Variants in CDH4 observed in about 807,000 individuals in gnomAD.
CDH4 encodes the protein cadherin-4.
In CDH4, 33 loss-of-function variants were observed where a neutral mutation model predicts 86.0. The observed-to-expected ratio is 0.38, with a 90% CI of 0.29 to 0.51. CDH4 has a LOEUF of 0.51. Among genes scored for constraint, CDH4 ranks in the 20% least tolerant of loss-of-function variants. The pLI is 0.86. For missense variants in CDH4, 1,114 were observed against 1,307.4 expected (o/e 0.85, Z 2.28); for synonymous variants, 555 against 549.4 (o/e 1.01, Z -0.14).
At chr20:61,348,780 C>T (rs1370188651) in intron 2 of CDH4, among the ~76,000 whole-genome samples, 9 of 152,210 alleles carry the variant, frequency 5.9e-5, no homozygotes, top group Admixed American at 3.3e-4. Flanking sequence ...CCTCTTTCTT[C>T]CTGGCTTTGA....
In CDH4 at chr20:61,338,256, TACTTTA is replaced by T. The variant is rs541427585; in HGVS notation, c.169+83324_169+83329del. On this transcript the variant is annotated intron_variant, in intron 2 of 15. Transcript: ENST00000614565. The stretch of plus-strand genomic sequence containing the variant: ...ACTTAAAAAGCACAAGTTATCAAGG[TACTTTA>T]ACTTGGGAGATTGGGAAAAAATTGA... 5.0e-4 allele frequency among the ~76,000 whole-genome samples: 76 copies of T among 152,236 alleles called. No homozygotes were observed. The East Asian group carries it at 0.01, about 20-fold the overall frequency.
chr20:61,762,865 G>A (rs1173947579), intron 3 of CDH4, among the ~76,000 whole-genome samples: 3 of 152,224 alleles, frequency 2.0e-5, no homozygotes, highest in Admixed American at 2.0e-4. Flanking sequence ...GAGGGGGACA[G>A]GTGCACCCCA....
At chr20:61,776,904 G>A (rs2088849109) in intron 4 of CDH4, among the ~76,000 whole-genome samples, 1 of 152,200 alleles carries the variant, frequency 6.6e-6, no homozygotes. Context: ...TCATGAAGGA[G>A]GGGGAAATAT....
chr20:61,892,416 G>T (rs1178586792), intron 7 of CDH4, among the ~76,000 whole-genome samples: 2 of 152,240 alleles, frequency 1.3e-5, no homozygotes, highest in African/African-American at 4.8e-5. Context: ...GCTCAGGTTG[G>T]CAAGGGTTAC....
chr20:61,815,902 G>T (rs199684973), intron 4 of CDH4, among the ~76,000 whole-genome samples: 1 of 152,290 alleles, frequency 6.6e-6, no homozygotes, highest in South Asian at 2.1e-4. Flanking sequence ...TCCGTGAGCC[G>T]CAATGCCCGC....
intron 2 of CDH4, among the ~76,000 whole-genome samples, chr20:61,565,712 T>C (rs1429539674): frequency 6.6e-6 from 1 of 152,086 alleles, no homozygotes; most frequent in African/African-American, 2.4e-5. Flanking sequence ...AGTAAGGCAG[T>C]GCCAAGATAC....
At chr20:61,312,910 G>A (rs1448968465) in intron 2 of CDH4, among the ~76,000 whole-genome samples, 1 of 152,146 alleles carries the variant, frequency 6.6e-6, no homozygotes, top group Non-Finnish European at 1.5e-5. Context: ...GAGCTTGCCT[G>A]GGATTGCAGG....
At chr20:61,854,342 T>C (rs181085525) in intron 6 of CDH4, among the ~76,000 whole-genome samples, 16 of 152,312 alleles carry the variant, frequency 1.1e-4, no homozygotes, top group African/African-American at 3.6e-4. Context: ...TGGGCTATAG[T>C]GTGAACAAGG....
chr20:61,749,471 T>A (rs1304766478), intron 3 of CDH4, among the ~76,000 whole-genome samples: 2 of 152,198 alleles, frequency 1.3e-5, no homozygotes, highest in Admixed American at 6.5e-5. Context: ...CCCAACATAC[T>A]TCATAGCCTT....
Position 61,510,911 on chromosome 20 carries a change from G to A in CDH4, c.170-232652G>A, listed in dbSNP as rs2085774641. Among the ~76,000 whole-genome samples, 1 of 151,378 alleles carries A rather than the reference G, an allele frequency of 6.6e-6. No individual in the cohort carries two copies. Among genetic ancestry groups the A allele is most frequent in the African/African-American group, 2.4e-5 (1 of 41,158 alleles). On this transcript the variant is annotated intron_variant, in intron 2 of 15. Transcript: ENST00000614565. The surrounding 1 kb of genome is among the most constrained non-coding windows in gnomAD (Gnocchi z 4.2). ...ATGGTGGGGGAAGGTGAGGGGGTGG[G>A]GACAGACATGTCACAAAATGAAAGC...
intron 2 of CDH4, among the ~76,000 whole-genome samples, chr20:61,689,664 C>G (rs2087629541): frequency 6.7e-6 from 1 of 150,080 alleles, no homozygotes; most frequent in South Asian, 2.1e-4. Flanking sequence ...TGGCCTGGGA[C>G]ATTGTTTGGT....
chr20:61,260,888 A>C (rs1307406147), intron 2 of CDH4, among the ~76,000 whole-genome samples: 1 of 152,208 alleles, frequency 6.6e-6, no homozygotes. Context: ...AGTGGTTGCT[A>C]TCAGATAAAA....
At chr20:61,781,657 T>C (rs1012996219) in intron 4 of CDH4, among the ~76,000 whole-genome samples, 1 of 152,090 alleles carries the variant, frequency 6.6e-6, no homozygotes, top group Non-Finnish European at 1.5e-5. Flanking sequence ...ATCTGTGTGA[T>C]GGCAATAACA....
intron 9 of CDH4, among the ~76,000 whole-genome samples, chr20:61,920,864 C>T (rs1223288545): frequency 3.1e-5 from 4 of 128,138 alleles, no homozygotes; most frequent in Non-Finnish European, 6.3e-5. Flanking sequence ...CATGGTGTCA[C>T]AGTAATTGCA....
intron 2 of CDH4, among the ~76,000 whole-genome samples, chr20:61,371,496 C>A (rs2145434408): frequency 6.6e-6 from 1 of 152,380 alleles, no homozygotes; most frequent in African/African-American, 2.4e-5. Flanking sequence ...AAGCCTTCAA[C>A]CAGCCGTCGT....
At chr20:61,742,175 C>T (rs969841016) in intron 2 of CDH4, among the ~76,000 whole-genome samples, 2 of 149,862 alleles carry the variant, frequency 1.3e-5, no homozygotes, top group South Asian at 2.1e-4. Flanking sequence ...GGAACAGATC[C>T]GGGGAGCCAC....
rs139827441 is a variant in CDH4 at position 61,664,411 on chromosome 20, T to C, written c.170-79152T>C. Among the ~76,000 whole-genome samples, 215 of 152,226 alleles carry C rather than the reference T, an allele frequency of 1.4e-3. 4 individuals carry two copies. The East Asian group carries it at 0.037, about 26-fold the overall frequency. On this transcript the variant is annotated intron_variant, in intron 2 of 15. Transcript: ENST00000614565. The stretch of plus-strand genomic sequence containing the variant: ...GGGGGCAGAAACCACAGCTGGGGCA[T>C]GGGGAGAGCTGGTCCCCACTCCTGT...
At position 61,928,277 on chromosome 20, in the gene CDH4, C is replaced by T. The variant is rs138803497; in HGVS notation, c.1859C>T (p.Ala620Val). The part of the protein sequence containing the change: ...DNAPELLPKE[A>V]QICEKPNLNA... ...GCCCCTGAGCTGCTGCCCAAGGAGG[C>T]GCAGATCTGCGAGAAGCCCAACCTG... The change falls in exon 12 of 16, where the codon GCG (alanine) becomes GTG (valine). Residue 620 changes from alanine (A) to valine (V), a missense_variant. Coordinates refer to ENST00000614565, the MANE Select transcript of CDH4 (RefSeq NM_001794.5). The T allele has an allele frequency of 2.7e-5, 44 of 1,609,500 alleles. No homozygotes were observed. The highest frequency in any genetic ancestry group is 1.6e-4 in the South Asian group (15 of 91,084).
intron 2 of CDH4, among the ~76,000 whole-genome samples, chr20:61,458,643 GTGA>G (rs1452270710): frequency 1.3e-5 from 2 of 152,128 alleles, no homozygotes; most frequent in Non-Finnish European, 2.9e-5. Flanking sequence ...ATTGGTGGTG[GTGA>G]TGATGGTGAT....
Sources: allele counts gnomAD v4.1 joint callset (sites outside exome capture counted in the v4.1 genomes callset), GRCh38; gene constraint gnomAD v4.1.1; non-coding constraint Gnocchi (gnomAD v3.1); transcripts MANE v1.5; gene names NCBI Gene and HGNC (gene_info 2026-07-23, HGNC 2026-07-21).